VPS13B: variants seen among roughly 807,000 people sequenced by gnomAD.
VPS13B encodes vacuolar protein sorting 13 homolog B.
Under a neutral mutation model 426.4 loss-of-function variants are expected in VPS13B, and 285 were observed. That is an observed-to-expected ratio of 0.67 (90% CI 0.61 to 0.74). VPS13B has a LOEUF of 0.74. Among genes scored for constraint, VPS13B ranks in the 30% least tolerant of loss-of-function variants. The probability of loss-of-function intolerance (pLI) is 0.00; values close to 1 mark genes in which losing one functional copy is unlikely to be tolerated. For missense variants in VPS13B, 4,537 were observed against 4,782.6 expected (o/e 0.95, Z 1.51); for synonymous variants, 1,676 against 1,676.4 (o/e 1.00, Z 0.01).
At chr8:99,527,472 A>G (rs1429863410) in intron 30 of VPS13B, among the ~76,000 whole-genome samples, 3 of 151,976 alleles carry the variant, frequency 2.0e-5, no homozygotes, top group Non-Finnish European at 4.4e-5. Flanking sequence ...CTGGTTTATA[A>G]CTGCCAGCTC....
chr8:99,448,152 T>TATTG (rs1372483748), intron 23 of VPS13B, among the ~76,000 whole-genome samples: 3 of 143,324 alleles, frequency 2.1e-5, no homozygotes, highest in Non-Finnish European at 4.6e-5. Context: ...TTTATTTATT[T>TATTG]ATTTATTTAT....
rs904742773 is a variant in VPS13B at position 99,642,343 on chromosome 8, G to A, written c.5753G>A (p.Arg1918Gln). Residue 1918 changes from arginine (R) to glutamine (Q), a missense_variant, in exon 34 of 62, where the codon CGA becomes CAA. Arg to Gln is a conservative substitution (Grantham distance 43). This residue lies in a region of VPS13B where 4,311 missense variants were observed against 4,474.3 expected (regional missense o/e 0.96). Transcript: ENST00000357162. ...LGITIVRQPG[R>Q]RGTGDLQLEP... ...ATAACTATTGTTCGGCAGCCTGGTC[G>A]AAGAGGAACTGGTGACTTACAGCTA... The A allele has an allele frequency of 2.5e-6, 4 of 1,614,138 alleles. No homozygotes were observed. The highest frequency in any genetic ancestry group is 2.5e-6 in the Non-Finnish European group (3 of 1,179,992).
chr8:99,293,325 A>C (rs1441685032), intron 19 of VPS13B, among the ~76,000 whole-genome samples: 11 of 114,900 alleles, frequency 9.6e-5, no homozygotes, highest in African/African-American at 2.0e-4. Context: ...GTGCTGGGAA[A>C]ACTGGCTAGC....
intron 19 of VPS13B, among the ~76,000 whole-genome samples, chr8:99,309,741 G>A (rs1166383661): frequency 2.6e-5 from 4 of 152,232 alleles, no homozygotes; most frequent in African/African-American, 9.6e-5. Flanking sequence ...AGCTTGATGG[G>A]GGTGGCATTG....
intron 17 of VPS13B, among the ~76,000 whole-genome samples, chr8:99,237,138 A>T (rs1816693110): frequency 6.6e-6 from 1 of 152,154 alleles, no homozygotes; most frequent in Non-Finnish European, 1.5e-5. Flanking sequence ...AGGCTTCCCC[A>T]GCCACATGGA....
intron 4 of VPS13B, among the ~76,000 whole-genome samples, chr8:99,099,434 G>T (rs977893066): frequency 3.3e-5 from 5 of 152,150 alleles, no homozygotes; most frequent in Non-Finnish European, 7.4e-5. Flanking sequence ...TGGCTTCCCA[G>T]TGACCACATC....
intron 3 of VPS13B, among the ~76,000 whole-genome samples, chr8:99,075,848 G>A (rs1845090066): frequency 6.6e-6 from 1 of 152,076 alleles, no homozygotes; most frequent in Non-Finnish European, 1.5e-5. Flanking sequence ...CATTGATCAT[G>A]TATATTGTTT....
chr8:99,727,233 A>G (rs1833387398), intron 39 of VPS13B, among the ~76,000 whole-genome samples: 1 of 152,214 alleles, frequency 6.6e-6, no homozygotes. Flanking sequence ...CATTAGAATG[A>G]CAGTGAGCCA....
At chr8:99,122,314 G>A (rs1847989584) in intron 8 of VPS13B, among the ~76,000 whole-genome samples, 2 of 151,608 alleles carry the variant, frequency 1.3e-5, no homozygotes, top group East Asian at 1.9e-4. Context: ...TTAACATAAT[G>A]CATGTAAAAT....
chr8:99,812,832 T>C (rs1397491249), intron 44 of VPS13B, among the ~76,000 whole-genome samples: 1 of 152,196 alleles, frequency 6.6e-6, no homozygotes, highest in African/African-American at 2.4e-5. Flanking sequence ...TATTCTTCAA[T>C]ATCACTATTC....
intron 35 of VPS13B, among the ~76,000 whole-genome samples, chr8:99,671,703 G>A (rs1255077461): frequency 6.6e-6 from 1 of 152,026 alleles, no homozygotes; most frequent in Non-Finnish European, 1.5e-5. Flanking sequence ...TGTTACCTAG[G>A]CTGGAGTGCG....
intron 25 of VPS13B, among the ~76,000 whole-genome samples, chr8:99,483,002 T>C (rs1400383365): frequency 6.6e-6 from 1 of 152,134 alleles, no homozygotes; most frequent in Non-Finnish European, 1.5e-5. Flanking sequence ...AACGTTTTTT[T>C]GTTTCTGCAT....
intron 19 of VPS13B, among the ~76,000 whole-genome samples, chr8:99,306,014 T>C (rs556536723): frequency 3.3e-5 from 5 of 152,238 alleles, no homozygotes; most frequent in Admixed American, 6.5e-5. Flanking sequence ...TTAATGCTGT[T>C]TATTTTTATC....
chr8:99,219,960 A>T (rs1222162639), intron 17 of VPS13B, among the ~76,000 whole-genome samples: 1 of 152,184 alleles, frequency 6.6e-6, no homozygotes, highest in African/African-American at 2.4e-5. Context: ...AGCCAGTTGT[A>T]ATGTCTCTCT....
chr8:99,058,207 G>A (rs995921517), intron 3 of VPS13B, among the ~76,000 whole-genome samples: 1 of 151,554 alleles, frequency 6.6e-6, no homozygotes, highest in Non-Finnish European at 1.5e-5. Flanking sequence ...GTTATGTATG[G>A]CACTGGAACA....
At chr8:99,798,447 CTTT>C (rs1812966954) in intron 43 of VPS13B, among the ~76,000 whole-genome samples, 1 of 152,052 alleles carries the variant, frequency 6.6e-6, no homozygotes, top group African/African-American at 2.4e-5. Flanking sequence ...TTGAGTTTTC[CTTT>C]TCCTTTATAT....
intron 44 of VPS13B, among the ~76,000 whole-genome samples, chr8:99,813,879 A>T (rs146534772): frequency 6.6e-6 from 1 of 152,334 alleles, no homozygotes; most frequent in East Asian, 1.9e-4. Flanking sequence ...TATGCCTATG[A>T]TCCCAGCACT....
At chr8:99,156,794 CATCAG>C (rs773745653) in intron 15 of VPS13B, 51 bp downstream of exon 15, 24 of 1,582,442 alleles carry the variant, frequency 1.5e-5, no homozygotes, top group Non-Finnish European at 1.9e-5. Flanking sequence ...GCTTTGGGAT[CATCAG>C]ATAAGTTTCT....
At chr8:99,061,745 C>A (rs113972848) in intron 3 of VPS13B, among the ~76,000 whole-genome samples, 193 of 152,198 alleles carry the variant, frequency 1.3e-3, no homozygotes, top group African/African-American at 4.5e-3. Flanking sequence ...TAAGTATTAT[C>A]CCTTACCTAG....
Sources: gnomAD v4.1 joint callset for allele counts (sites outside exome capture counted in the v4.1 genomes callset) on GRCh38, gnomAD v4.1.1 for gene constraint, gnomAD v4.1.1 regional missense constraint, MANE v1.5 for transcripts, NCBI Gene and HGNC (gene_info 2026-07-23, HGNC 2026-07-21) for gene names.